CACNA2D3: variants seen among roughly 807,000 people sequenced by gnomAD.
CACNA2D3 encodes the protein voltage-dependent calcium channel subunit alpha-2/delta-3.
A neutral mutation model predicts 160.6 loss-of-function variants in CACNA2D3; 60 were observed. That is an observed-to-expected ratio of 0.37 (90% CI 0.30 to 0.46). CACNA2D3 has a LOEUF of 0.46. Ranked by LOEUF, CACNA2D3 falls within the 20% of genes least tolerant of loss-of-function variation. The probability of loss-of-function intolerance (pLI) is 1.00; values close to 1 mark genes in which losing one functional copy is unlikely to be tolerated. For missense variants in CACNA2D3, 1,205 were observed against 1,365.0 expected, an observed-to-expected ratio of 0.88 and a Z score of 1.85; for synonymous variants, 558 against 492.9, an observed-to-expected ratio of 1.13 and a Z score of -1.75.
At chr3:54,302,267 T>C (rs1310759870) in intron 2 of CACNA2D3, among the ~76,000 whole-genome samples, 1 of 152,184 alleles carries the variant, frequency 6.6e-6, no homozygotes, top group Non-Finnish European at 1.5e-5. Flanking sequence ...GTAAAATGGA[T>C]GTGTGGCCTC....
At chr3:55,010,561 C>A (rs1703188476) in intron 34 of CACNA2D3, among the ~76,000 whole-genome samples, 1 of 152,160 alleles carries the variant, frequency 6.6e-6, no homozygotes, top group South Asian at 2.1e-4. Context: ...CTCAGATACA[C>A]TCTGTTCTTT....
rs1245836850 is a variant in CACNA2D3 at position 54,736,129 on chromosome 3, A to ATATG, written c.1168-16469_1168-16468insATGT. ...TATATGTATATATATACATATATAT[A>ATATG]TGTATATATATACACACACACACAC... On this transcript the variant is annotated intron_variant, in intron 11 of 37. Transcript: ENST00000474759. Among the ~76,000 whole-genome samples the ATATG allele has an allele frequency of 3.4e-3, 212 of 62,788 alleles. 4 individuals are homozygous for ATATG. The highest frequency in any genetic ancestry group is 0.013 in the African/African-American group (207 of 16,194). 41.2% of individuals were successfully genotyped at this position (62,788 alleles called of 152,430 possible). A position where few individuals can be genotyped will look rare whatever the true frequency, so the allele number is the denominator to read the frequency against.
intron 35 of CACNA2D3, among the ~76,000 whole-genome samples, chr3:55,022,198 G>A (rs2107164158): frequency 6.6e-6 from 1 of 152,068 alleles, no homozygotes; most frequent in African/African-American, 2.4e-5. Context: ...AATCATTCCT[G>A]TTATCACTAT....
At chr3:54,737,076 A>G (rs908472493) in intron 11 of CACNA2D3, among the ~76,000 whole-genome samples, 3 of 152,170 alleles carry the variant, frequency 2.0e-5, no homozygotes, top group African/African-American at 7.2e-5. Context: ...AATTGTATGC[A>G]ATAACCTTAT....
At chr3:54,520,630 C>T (rs182676626) in intron 5 of CACNA2D3, among the ~76,000 whole-genome samples, 21 of 152,316 alleles carry the variant, frequency 1.4e-4, no homozygotes, top group Admixed American at 1.4e-3. Context: ...ACATAACATA[C>T]AATTTGCCTG....
chr3:54,469,741 C>T (rs1466130619), intron 4 of CACNA2D3, among the ~76,000 whole-genome samples: 1 of 151,850 alleles, frequency 6.6e-6, no homozygotes, highest in East Asian at 1.9e-4. Context: ...CATAAATGAC[C>T]TGATGGAGCT....
At chr3:55,051,115 T>C (rs1448857274) in intron 35 of CACNA2D3, among the ~76,000 whole-genome samples, 1 of 152,160 alleles carries the variant, frequency 6.6e-6, no homozygotes, top group Admixed American at 6.5e-5. Context: ...GTCAAAGTCA[T>C]TCTCCATCCA....
chr3:54,831,451 C>T (rs762160884), intron 14 of CACNA2D3, among the ~76,000 whole-genome samples: 2 of 152,216 alleles, frequency 1.3e-5, no homozygotes, highest in African/African-American at 2.4e-5. Flanking sequence ...AACAGATGTC[C>T]TTCAAAGGTG....
At chr3:54,566,938 T>C (rs1462196771) in intron 6 of CACNA2D3, among the ~76,000 whole-genome samples, 1 of 152,186 alleles carries the variant, frequency 6.6e-6, no homozygotes, top group East Asian at 1.9e-4. Flanking sequence ...AGCATTACTT[T>C]TTGTTTCTTC....
At chr3:54,800,823 A>G (rs752445711) in intron 13 of CACNA2D3, among the ~76,000 whole-genome samples, 78 of 152,242 alleles carry the variant, frequency 5.1e-4, no homozygotes, top group Non-Finnish European at 7.9e-4. Flanking sequence ...CTGCTAACTA[A>G]TCTGGTGTGG....
intron 2 of CACNA2D3, among the ~76,000 whole-genome samples, chr3:54,171,929 C>A (rs1700579433): frequency 6.6e-6 from 1 of 152,242 alleles, no homozygotes; most frequent in African/African-American, 2.4e-5. Flanking sequence ...GTCCTTCTTT[C>A]CTCAACTGGA....
chr3:54,975,768 G>GA (rs151227156), intron 29 of CACNA2D3, among the ~76,000 whole-genome samples: 5,253 of 152,020 alleles, frequency 0.035, 337 homozygotes, highest in African/African-American at 0.12. Context: ...GAGATGGATA[G>GA]AAAAAATCCC....
chr3:54,782,346 G>A (rs1702551863), intron 13 of CACNA2D3, among the ~76,000 whole-genome samples: 1 of 152,090 alleles, frequency 6.6e-6, no homozygotes, highest in African/African-American at 2.4e-5. Flanking sequence ...AATAGTGGTG[G>A]TGATCTCATA....
chr3:54,142,950 C>A (rs1345187330), intron 2 of CACNA2D3, among the ~76,000 whole-genome samples: 1 of 152,136 alleles, frequency 6.6e-6, no homozygotes, highest in Non-Finnish European at 1.5e-5. Flanking sequence ...ATAAGCCATC[C>A]CTCTCCCTGA....
chr3:54,907,980 G>A (rs1241874800), intron 27 of CACNA2D3, among the ~76,000 whole-genome samples: 4 of 152,158 alleles, frequency 2.6e-5, no homozygotes, highest in South Asian at 2.1e-4. Flanking sequence ...TAAGTTGATG[G>A]ATGCTTTTTT....
At chr3:54,563,652 G>A (rs1016628281) in intron 6 of CACNA2D3, among the ~76,000 whole-genome samples, 1 of 152,148 alleles carries the variant, frequency 6.6e-6, no homozygotes, top group Non-Finnish European at 1.5e-5. Flanking sequence ...AACAGGACTC[G>A]GGGCTGCAAC....
At chr3:54,970,198 A>G (rs968821977) in intron 29 of CACNA2D3, among the ~76,000 whole-genome samples, 3 of 152,086 alleles carry the variant, frequency 2.0e-5, no homozygotes, top group Admixed American at 6.6e-5. Flanking sequence ...CCTTGCAACA[A>G]CCGGTGAAAT....
At chr3:54,706,927 T>C (rs1020531082) in intron 11 of CACNA2D3, among the ~76,000 whole-genome samples, 10 of 152,226 alleles carry the variant, frequency 6.6e-5, no homozygotes, top group African/African-American at 2.4e-4. Flanking sequence ...CCTACCTCTG[T>C]TTCTGGCTTC....
At chr3:54,650,895 G>A (rs2106863464) in intron 11 of CACNA2D3, among the ~76,000 whole-genome samples, 1 of 152,318 alleles carries the variant, frequency 6.6e-6, no homozygotes, top group East Asian at 1.9e-4. Flanking sequence ...GAGTGTCAGA[G>A]ACTGTTCTAA....
Sources: allele counts gnomAD v4.1 joint callset (sites outside exome capture counted in the v4.1 genomes callset), GRCh38; gene constraint gnomAD v4.1.1; transcripts MANE v1.5; gene names NCBI Gene and HGNC (gene_info 2026-07-23, HGNC 2026-07-21).